PLPPR5: variants seen among roughly 807,000 people sequenced by gnomAD.
The protein encoded by PLPPR5 is phospholipid phosphatase-related protein type 5.
A neutral mutation model predicts 33.9 loss-of-function variants in PLPPR5; 16 were observed. The observed-to-expected ratio is 0.47, with a 90% CI of 0.32 to 0.72. PLPPR5 has a LOEUF of 0.72. Ranked by LOEUF, PLPPR5 falls within the 30% of genes least tolerant of loss-of-function variation. The probability of loss-of-function intolerance (pLI) is 0.03; values close to 1 mark genes in which losing one functional copy is unlikely to be tolerated. For synonymous variants in PLPPR5, 163 were observed against 150.3 expected, an observed-to-expected ratio of 1.08 and a Z score of -0.62; for missense variants, 301 against 406.7, an observed-to-expected ratio of 0.74 and a Z score of 2.23.
intron 3 of PLPPR5, among the ~76,000 whole-genome samples, chr1:98,949,417 G>T (rs1031022640): frequency 2.6e-5 from 4 of 152,108 alleles, no homozygotes; most frequent in African/African-American, 9.7e-5. Context: ...AGAGGCATCA[G>T]AAACATATTT....
At chr1:98,968,289 A>G (rs1304842734) in intron 1 of PLPPR5, among the ~76,000 whole-genome samples, 1 of 152,080 alleles carries the variant, frequency 6.6e-6, no homozygotes, top group East Asian at 1.9e-4. Context: ...GTACTGTTAT[A>G]ATGTACCTAT....
chr1:98,926,447 A>AGTGTGTGTGTGT (rs60874366), intron 3 of PLPPR5, among the ~76,000 whole-genome samples: 1 of 132,616 alleles, frequency 7.5e-6, no homozygotes, highest in African/African-American at 2.8e-5. Flanking sequence ...AGGTTTGATT[A>AGTGTGTGTGTGT]GTGTGTGTGT....
At chr1:98,965,082 G>A (rs1231716442) in intron 1 of PLPPR5, among the ~76,000 whole-genome samples, 1 of 151,466 alleles carries the variant, frequency 6.6e-6, no homozygotes, top group African/African-American at 2.4e-5. Flanking sequence ...CAAAGTGCTG[G>A]GATTACAGGC....
chr1:98,974,219 G>T (rs1373042789), intron 1 of PLPPR5, among the ~76,000 whole-genome samples: 1 of 152,022 alleles, frequency 6.6e-6, no homozygotes, highest in Non-Finnish European at 1.5e-5. Flanking sequence ...GAAAACCAGA[G>T]GGGACAGACT....
At chr1:98,923,903 G>T (rs561248261) in intron 3 of PLPPR5, among the ~76,000 whole-genome samples, 3 of 152,240 alleles carry the variant, frequency 2.0e-5, no homozygotes, top group Admixed American at 2.0e-4. Context: ...TCAGGTTTCA[G>T]TGATGCAGCT....
chr1:98,957,898 G>T (rs1651074372), intron 1 of PLPPR5, among the ~76,000 whole-genome samples: 1 of 152,126 alleles, frequency 6.6e-6, no homozygotes, highest in Admixed American at 6.5e-5. Context: ...AACCATATTT[G>T]TACCATTGGT....
chr1:98,910,883 A>G (rs1457745582), intron 5 of PLPPR5, among the ~76,000 whole-genome samples: 1 of 114,032 alleles, frequency 8.8e-6, no homozygotes, highest in African/African-American at 3.6e-5. Flanking sequence ...CCCTAGCCAG[A>G]GAGTGTTTTT....
chr1:98,988,602 C>G (rs7517129), intron 1 of PLPPR5, among the ~76,000 whole-genome samples: 1 of 151,804 alleles, frequency 6.6e-6, no homozygotes, highest in Non-Finnish European at 1.5e-5. Flanking sequence ...TTTCAAGGAA[C>G]AAATCTCATG....
At chr1:98,917,722 G>T (rs548804076) in intron 4 of PLPPR5, among the ~76,000 whole-genome samples, 16 of 152,164 alleles carry the variant, frequency 1.1e-4, no homozygotes, top group African/African-American at 3.9e-4. Context: ...GTTTTTGTTT[G>T]TTTGCTTTTT....
At chr1:98,910,110 G>A (rs1416603347) in intron 5 of PLPPR5, among the ~76,000 whole-genome samples, 1 of 152,128 alleles carries the variant, frequency 6.6e-6, no homozygotes, top group Non-Finnish European at 1.5e-5. Flanking sequence ...GGTTATATAA[G>A]TACATAACTT....
At chr1:98,937,926 C>G (rs547962801) in intron 3 of PLPPR5, among the ~76,000 whole-genome samples, 1 of 152,086 alleles carries the variant, frequency 6.6e-6, no homozygotes, top group East Asian at 1.9e-4. Context: ...AATAAGCATA[C>G]TTTTGTTACA....
At chr1:98,971,167 T>C (rs1312281552) in intron 1 of PLPPR5, among the ~76,000 whole-genome samples, 2 of 152,050 alleles carry the variant, frequency 1.3e-5, no homozygotes, top group Admixed American at 1.3e-4. Flanking sequence ...TACTCCAAAA[T>C]GTCTTTTGAA....
intron 3 of PLPPR5, among the ~76,000 whole-genome samples, chr1:98,926,961 T>C (rs1649790951): frequency 6.6e-6 from 1 of 152,212 alleles, no homozygotes; most frequent in Admixed American, 6.5e-5. Flanking sequence ...AAGAGCAATG[T>C]AAAGGTGTCT....
At chr1:98,971,354 G>A (rs552560104) in intron 1 of PLPPR5, among the ~76,000 whole-genome samples, 36 of 152,036 alleles carry the variant, frequency 2.4e-4, no homozygotes, top group South Asian at 6.2e-4. Context: ...CATAGCAGAA[G>A]CCCATAGAAG....
chr1:98,968,604 A>G (rs963155995), intron 1 of PLPPR5, among the ~76,000 whole-genome samples: 1 of 152,092 alleles, frequency 6.6e-6, no homozygotes, highest in Non-Finnish European at 1.5e-5. Context: ...AAAAAACATC[A>G]GCTAAAACCT....
chr1:98,977,288 C>T (rs552727995), intron 1 of PLPPR5, among the ~76,000 whole-genome samples: 1 of 151,974 alleles, frequency 6.6e-6, no homozygotes, highest in East Asian at 1.9e-4. Context: ...GAATTAGATG[C>T]AGCTTAAACA....
rs544144039 is a variant in PLPPR5, at chr1:98,994,136, T to C, written c.237+10299A>G. Among the ~76,000 whole-genome samples the C allele has an allele frequency of 1.7e-4, 26 of 151,712 alleles. No individual in the cohort carries two copies. In the South Asian group the frequency reaches 5.0e-3, roughly 29 times the overall value. Reference sequence around the variant, plus strand: ...TTTAAGCCTTAATCTCAAGGTATGGTGCACATAGAAGGTGCTCACCAAATA... The same window carrying C: ...TTTAAGCCTTAATCTCAAGGTATGGCGCACATAGAAGGTGCTCACCAAATA... On this transcript the variant is annotated intron_variant, in intron 1 of 5. Transcript: ENST00000263177.
intron 3 of PLPPR5, among the ~76,000 whole-genome samples, chr1:98,939,982 A>G (rs536144510): frequency 6.6e-6 from 1 of 152,032 alleles, no homozygotes; most frequent in East Asian, 1.9e-4. Flanking sequence ...GGTTGGAGGC[A>G]CTGGAAATGT....
chr1:98,933,188 C>CTTT (rs113406292), intron 3 of PLPPR5, among the ~76,000 whole-genome samples: 1 of 137,368 alleles, frequency 7.3e-6, no homozygotes, highest in East Asian at 2.0e-4. Flanking sequence ...ATAGAGAGGG[C>CTTT]TTTTTAAAAA....
Sources: allele counts gnomAD v4.1 joint callset (sites outside exome capture counted in the v4.1 genomes callset), GRCh38; gene constraint gnomAD v4.1.1; transcripts MANE v1.5; gene names NCBI Gene and HGNC (gene_info 2026-07-23, HGNC 2026-07-21).